CNTN5: variants seen among roughly 807,000 people sequenced by gnomAD.
CNTN5 encodes contactin 5, also known as contactin-5.
Under a neutral mutation model 129.1 loss-of-function variants are expected in CNTN5, and 77 were observed. The observed-to-expected ratio is 0.60, with a 90% CI of 0.50 to 0.72. CNTN5 has a LOEUF of 0.72. Among genes scored for constraint, CNTN5 ranks in the 30% least tolerant of loss-of-function variants. The pLI is 0.00. For synonymous variants in CNTN5, 509 were observed against 465.6 expected, an observed-to-expected ratio of 1.09 and a Z score of -1.20; for missense variants, 1,478 against 1,328.8, an observed-to-expected ratio of 1.11 and a Z score of -1.75.
chr11:100,223,699 C>T (rs561797448), intron 15 of CNTN5, among the ~76,000 whole-genome samples: 1 of 152,144 alleles, frequency 6.6e-6, no homozygotes, highest in Non-Finnish European at 1.5e-5. Flanking sequence ...TCTTTGATGT[C>T]ATTTCAAGCA....
intron 17 of CNTN5, among the ~76,000 whole-genome samples, chr11:100,256,217 G>A (rs1360552956): frequency 6.6e-6 from 1 of 152,124 alleles, no homozygotes; most frequent in Non-Finnish European, 1.5e-5. Context: ...CCACTCCCCA[G>A]CTTCCTGCCA....
intron 13 of CNTN5, among the ~76,000 whole-genome samples, chr11:100,118,354 CA>C (rs1275983523): frequency 4.0e-5 from 6 of 151,648 alleles, no homozygotes; most frequent in African/African-American, 1.2e-4. Context: ...TGATCAATAT[CA>C]AAAAAAGATG....
In CNTN5 at chr11:99,229,202, T is replaced by A. The variant is rs116515318; in HGVS notation, c.-209-96144T>A. Among the ~76,000 whole-genome samples the A allele has an allele frequency of 3.6e-3, 545 of 152,192 alleles. 3 individuals carry two copies. The highest frequency in any genetic ancestry group is 0.013 in the African/African-American group (522 of 41,560). On this transcript the variant is annotated intron_variant, in intron 1 of 24. Transcript: ENST00000524871. ...TAAATGAACTCATAAAAATTTTTCATAATTTAACATTGAATTTTTTATCCA... is the reference window on the plus strand; with the variant it reads ...TAAATGAACTCATAAAAATTTTTCAAAATTTAACATTGAATTTTTTATCCA...
chr11:100,136,981 A>AAAAT (rs1181247287), intron 13 of CNTN5, among the ~76,000 whole-genome samples: 1 of 151,930 alleles, frequency 6.6e-6, no homozygotes, highest in Non-Finnish European at 1.5e-5. Flanking sequence ...TTAACAGTTT[A>AAAAT]AAATAAAATA....
intron 6 of CNTN5, among the ~76,000 whole-genome samples, chr11:99,891,300 T>G (rs961025834): frequency 6.6e-6 from 1 of 151,972 alleles, no homozygotes; most frequent in Non-Finnish European, 1.5e-5. Flanking sequence ...GAAAAGTTTA[T>G]TTTTTATTAT....
intron 22 of CNTN5, 111 bp downstream of exon 22, chr11:100,340,760 C>A: frequency 1.0e-6 from 1 of 958,512 alleles, no homozygotes; most frequent in Non-Finnish European, 1.5e-6. Flanking sequence ...AGTTTTGATT[C>A]ATAGTCTTGC....
chr11:100,145,584 A>G (rs1728710491), intron 13 of CNTN5, among the ~76,000 whole-genome samples: 1 of 152,190 alleles, frequency 6.6e-6, no homozygotes, highest in South Asian at 2.1e-4. Flanking sequence ...CCAGTCAATT[A>G]AGAACTTGTA....
chr11:99,601,512 G>GAAA (rs527923861), intron 3 of CNTN5, among the ~76,000 whole-genome samples: 138 of 152,236 alleles, frequency 9.1e-4, no homozygotes, highest in Admixed American at 1.6e-3. Flanking sequence ...TTGAGAGTAA[G>GAAA]AAAATAATCT....
At chr11:99,748,474 C>G (rs954437208) in intron 3 of CNTN5, among the ~76,000 whole-genome samples, 9 of 151,786 alleles carry the variant, frequency 5.9e-5, no homozygotes, top group African/African-American at 2.2e-4. Flanking sequence ...TAAGAATTAA[C>G]TCATGGAATT....
intron 6 of CNTN5, among the ~76,000 whole-genome samples, chr11:99,847,845 G>A (rs1244857993): frequency 6.6e-6 from 1 of 152,036 alleles, no homozygotes; most frequent in Non-Finnish European, 1.5e-5. Context: ...ACTGAGGTAG[G>A]AAGTTGGGGA....
chr11:99,409,438 A>G (rs1436177621), intron 2 of CNTN5, among the ~76,000 whole-genome samples: 1 of 152,254 alleles, frequency 6.6e-6, no homozygotes, highest in Non-Finnish European at 1.5e-5. Context: ...ACTGCACTCC[A>G]GCCTGGGCGA....
intron 3 of CNTN5, among the ~76,000 whole-genome samples, chr11:99,581,750 G>A (rs1339939700): frequency 6.6e-6 from 1 of 152,138 alleles, no homozygotes; most frequent in Non-Finnish European, 1.5e-5. Flanking sequence ...TGGGTTTCCT[G>A]AATACAGCAC....
intron 1 of CNTN5, among the ~76,000 whole-genome samples, chr11:99,056,398 C>T (rs1315219955): frequency 6.6e-6 from 1 of 151,838 alleles, no homozygotes; most frequent in East Asian, 1.9e-4. Context: ...CTCCAAAAAA[C>T]TAAGGGTGGG....
At chr11:99,213,871 C>T (rs532508713) in intron 1 of CNTN5, among the ~76,000 whole-genome samples, 1 of 152,132 alleles carries the variant, frequency 6.6e-6, no homozygotes, top group East Asian at 1.9e-4. Flanking sequence ...AATATTTCTA[C>T]CATGCTGAGA....
chr11:100,090,535 CTTCCTTCCTTCCT>C (rs1293176447), intron 13 of CNTN5, among the ~76,000 whole-genome samples: 10 of 83,064 alleles, frequency 1.2e-4, no homozygotes, highest in African/African-American at 3.7e-4. Context: ...CCCTTCCTTC[CTTCCTTCCTTCCT>C]TCCCTCCCTC....
chr11:99,332,227 G>T (rs1866029669), intron 2 of CNTN5, among the ~76,000 whole-genome samples: 1 of 151,746 alleles, frequency 6.6e-6, no homozygotes, highest in African/African-American at 2.4e-5. Context: ...ACCCTATCTG[G>T]CATGCCCTAT....
At chr11:99,457,234 T>C (rs887523804) in intron 2 of CNTN5, among the ~76,000 whole-genome samples, 4 of 151,976 alleles carry the variant, frequency 2.6e-5, no homozygotes, top group African/African-American at 9.7e-5. Flanking sequence ...AGTTAGCTGG[T>C]GGACAAATAT....
At chr11:99,757,889 A>G (rs1275249341) in intron 3 of CNTN5, among the ~76,000 whole-genome samples, 1 of 152,058 alleles carries the variant, frequency 6.6e-6, no homozygotes, top group Non-Finnish European at 1.5e-5. Context: ...TTAACCAGAA[A>G]GTATCTGCCG....
In CNTN5 at chr11:99,316,654, A is replaced by G. The variant is rs996286030; in HGVS notation, c.-209-8692A>G. 6.6e-5 allele frequency among the ~76,000 whole-genome samples: 10 copies of G among 151,962 alleles called. No homozygotes were observed. In the East Asian group the frequency reaches 1.7e-3, roughly 26 times the overall value. On this transcript the variant is annotated intron_variant, in intron 1 of 24. Coordinates refer to ENST00000524871, the MANE Select transcript of CNTN5 (RefSeq NM_014361.4). ...TCTCCCAGGGCACACATGCTAATGT[A>G]TTACAGAAAGCTGAACCATAATATT...
Sources: allele counts gnomAD v4.1 joint callset (sites outside exome capture counted in the v4.1 genomes callset), GRCh38; gene constraint gnomAD v4.1.1; transcripts MANE v1.5; gene names NCBI Gene and HGNC (gene_info 2026-07-23, HGNC 2026-07-21).